Variants in ZCCHC2 observed in about 807,000 individuals in gnomAD.
The protein encoded by ZCCHC2 is zinc finger CCHC-type containing 2, also known as zinc finger CCHC domain-containing protein 2.
A neutral mutation model predicts 103.6 loss-of-function variants in ZCCHC2; 39 were observed. The observed-to-expected ratio is 0.38, with a 90% CI of 0.29 to 0.49. The LOEUF (loss-of-function observed/expected upper bound fraction) is 0.49. ZCCHC2 is among the 20% of genes least tolerant of loss of function. ZCCHC2 has a pLI of 0.96. For missense variants in ZCCHC2, 1,483 were observed against 1,491.0 expected, an observed-to-expected ratio of 0.99 and a Z score of 0.09; for synonymous variants, 687 against 608.9, an observed-to-expected ratio of 1.13 and a Z score of -1.89.
At position 62,575,486 on chromosome 18, in the gene ZCCHC2, T is replaced by C; in HGVS notation, c.3405T>C (p.Asn1135=). 6 of 1,614,032 alleles carry C rather than the reference T, an allele frequency of 3.7e-6. No individual in the cohort carries two copies. Among genetic ancestry groups the C allele is most frequent in the Non-Finnish European group, 5.1e-6 (6 of 1,179,910 alleles). Residue 1135 remains asparagine, a synonymous_variant, in exon 13 of 14, where the codon AAT becomes AAC. Coordinates refer to ENST00000269499, the MANE Select transcript of ZCCHC2 (RefSeq NM_017742.6). ...AGAATGGGAATGTCTCATGTTACAA[T>C]TGTGGTGTAAGCGGACACTATGCAC... is the stretch of plus-strand genomic sequence containing the variant. ...PKKNGNVSCY[N]CGVSGHYAQD...
chr18:62,562,886 C>T, intron 8 of ZCCHC2, 123 bp from the exon 9 acceptor site: 2 of 1,085,276 alleles, frequency 1.8e-6, no homozygotes, highest in Non-Finnish European at 2.6e-6. Flanking sequence ...TTAGACCTAT[C>T]ATTAGGCATT....
At chr18:62,549,214 G>A (rs535272295) in intron 4 of ZCCHC2, among the ~76,000 whole-genome samples, 8 of 151,004 alleles carry the variant, frequency 5.3e-5, no homozygotes, top group South Asian at 2.1e-4. Flanking sequence ...GCGAGACTCC[G>A]TCTCAAAAAA....
At chr18:62,533,888 A>AAG (rs1361909527) in intron 1 of ZCCHC2, among the ~76,000 whole-genome samples, 1 of 151,914 alleles carries the variant, frequency 6.6e-6, no homozygotes, top group Non-Finnish European at 1.5e-5. Context: ...AAAAAAAAAA[A>AAG]AAAGACTAAG....
Position 62,523,866 on chromosome 18 carries a change from T to A in ZCCHC2, c.442T>A (p.Ser148Thr). ...CAAGGACTACCACTACCTGCGCGACTCGGAGGCCAAGGCCAACGGCCTCTC... is the reference window on the plus strand; with the variant it reads ...CAAGGACTACCACTACCTGCGCGACACGGAGGCCAAGGCCAACGGCCTCTC... ...ARKDYHYLRD[S>T]EAKANGLSDP... The change falls in exon 1 of 14, where the codon TCG (serine) becomes ACG (threonine). Residue 148 changes from serine (S) to threonine (T), a missense_variant. Ser to Thr is a moderately conservative substitution (Grantham distance 58). Around this residue, in one of 3 missense-constraint regions of ZCCHC2, gnomAD observed 568 missense variants for 525.1 expected, o/e 1.08. Transcript: ENST00000269499. The A allele has an allele frequency of 6.5e-7, 1 of 1,544,116 alleles. No homozygotes were observed. The highest frequency in any genetic ancestry group is 8.7e-7 in the Non-Finnish European group (1 of 1,146,128).
intron 5 of ZCCHC2, among the ~76,000 whole-genome samples, chr18:62,553,138 A>G (rs1354386827): frequency 6.6e-6 from 1 of 150,414 alleles, no homozygotes; most frequent in East Asian, 2.0e-4. Context: ...TTCTGTGCAC[A>G]TACATGCCCT....
chr18:62,566,115 C>T (rs1568554863), intron 11 of ZCCHC2, among the ~76,000 whole-genome samples: 1 of 152,096 alleles, frequency 6.6e-6, no homozygotes, highest in Non-Finnish European at 1.5e-5. Flanking sequence ...CGTGGTGGCA[C>T]ATGCCTGTAA....
chr18:62,568,931 C>T (rs1054786851), intron 11 of ZCCHC2, among the ~76,000 whole-genome samples: 2 of 152,162 alleles, frequency 1.3e-5, no homozygotes, highest in African/African-American at 2.4e-5. Flanking sequence ...TCCCTTTAGT[C>T]GCCTTATGAT....
chr18:62,550,869 C>CT (rs1266681462), intron 5 of ZCCHC2, among the ~76,000 whole-genome samples: 1 of 152,200 alleles, frequency 6.6e-6, no homozygotes, highest in Non-Finnish European at 1.5e-5. Flanking sequence ...CTCTTCGTGG[C>CT]TGTTACTCTC....
chr18:62,583,741 G>A (rs1337272960), intron 14 of ZCCHC2, among the ~76,000 whole-genome samples: 5 of 152,022 alleles, frequency 3.3e-5, no homozygotes, highest in Non-Finnish European at 7.4e-5. Flanking sequence ...GTTTCGAGGT[G>A]TGAGATATGA....
chr18:62,564,784 T>C, intron 10 of ZCCHC2, 149 bp downstream of exon 10: 1 of 752,524 alleles, frequency 1.3e-6, no homozygotes. Flanking sequence ...TATTAATATA[T>C]GCAGGTGATA....
chr18:62,568,901 A>C (rs1223855783), intron 11 of ZCCHC2, among the ~76,000 whole-genome samples: 1 of 152,196 alleles, frequency 6.6e-6, no homozygotes, highest in Non-Finnish European at 1.5e-5. Context: ...TCAAGCAGCC[A>C]TTGGTGGTGT....
At position 62,523,300 on chromosome 18, in the gene ZCCHC2, G is replaced by T. The variant is rs1450867965; in HGVS notation, c.-125G>T. The T allele has an allele frequency of 4.8e-5, 16 of 336,208 alleles. No homozygotes were observed. Among genetic ancestry groups the T allele is most frequent in the Admixed American group, 1.5e-4 (2 of 12,926 alleles). The allele number at this position is 336,208 out of a possible 1,614,324, so 20.8% of individuals were successfully genotyped here. ...CCGGCCGAGACCCGCCCCCGGCCCC[G>T]GCCCTCCCCCGGCGGCATGGAGGGG... On this transcript the variant is annotated 5_prime_UTR_variant, in exon 1 of 14. Coordinates refer to ENST00000269499, the MANE Select transcript of ZCCHC2 (RefSeq NM_017742.6).
Position 62,523,428 on chromosome 18 carries a change from C to T in ZCCHC2, c.4C>T (p.Leu2=). 4.6e-6 allele frequency: 5 copies of T among 1,080,286 alleles called. No homozygotes were observed. Among genetic ancestry groups the T allele is most frequent in the South Asian group, 2.2e-5 (1 of 45,028 alleles). 66.9% of individuals were successfully genotyped at this position (1,080,286 alleles called of 1,614,324 possible). A position where few individuals can be genotyped will look rare whatever the true frequency, so the allele number is the denominator to read the frequency against. Residue 2 remains leucine (L), a synonymous_variant, in exon 1 of 14, where the codon CTG becomes TTG. Coordinates refer to ENST00000269499, the MANE Select transcript of ZCCHC2 (RefSeq NM_017742.6). The part of the protein sequence containing the change: M[L]RMKLPLKPTH... ...GTCTGCGCCGCCCTAGCCGAGGATG[C>T]TGAGGATGAAGCTGCCGCTGAAGCC...
rs1192712505 is a variant in ZCCHC2, at chr18:62,524,210, C to G, written c.786C>G (p.Leu262=). The G allele has an allele frequency of 3.2e-6, 5 of 1,549,880 alleles. No homozygotes were observed. The highest frequency in any genetic ancestry group is 4.4e-6 in the Non-Finnish European group (5 of 1,146,670). ...GGGCCCAGGAGGAACTGCTGCTGCT[C>G]TTCACCATGGCCTCGCTGCACCCGG... ...GSRAQEELLL[L]FTMASLHPAF... is the part of the protein sequence containing the mutation. Residue 262 remains leucine (L), a synonymous_variant, in exon 1 of 14, where the codon CTC becomes CTG. Coordinates refer to ENST00000269499, the MANE Select transcript of ZCCHC2 (RefSeq NM_017742.6).
downstream of ZCCHC2, among the ~76,000 whole-genome samples, chr18:62,578,755 G>C (rs193238157): frequency 2.2e-4 from 33 of 152,256 alleles, no homozygotes; most frequent in Admixed American, 2.1e-3. Flanking sequence ...ATGCTCCTCA[G>C]TTCTTCCCCC....
At chr18:62,524,579 C>T in intron 1 of ZCCHC2, 1 of 648,738 alleles carries the variant, frequency 1.5e-6, no homozygotes, top group Non-Finnish European at 2.4e-6. Flanking sequence ...GCAGACACAG[C>T]CACCCGCCAT....
intron 1 of ZCCHC2, among the ~76,000 whole-genome samples, chr18:62,532,072 T>C (rs1914701320): frequency 6.6e-6 from 1 of 152,206 alleles, no homozygotes; most frequent in Non-Finnish European, 1.5e-5. Context: ...CATGTTAAAA[T>C]AATAGGTTGT....
At chr18:62,585,093 C>T (rs765316164) in exon 15 of ZCCHC2, 6 of 152,170 alleles carry the variant, frequency 3.9e-5, no homozygotes, top group Non-Finnish European at 5.9e-5. Flanking sequence ...TTGTGGCTCT[C>T]GAAGGATTTG....
intron 1 of ZCCHC2, among the ~76,000 whole-genome samples, chr18:62,528,179 C>G (rs1914518982): frequency 1.3e-5 from 2 of 152,316 alleles, no homozygotes; most frequent in South Asian, 2.1e-4. Context: ...GATACTAAGG[C>G]ACAAAATTAT....
Sources: gnomAD v4.1 joint callset for allele counts (sites outside exome capture counted in the v4.1 genomes callset) on GRCh38, gnomAD v4.1.1 for gene constraint, gnomAD v4.1.1 regional missense constraint, MANE v1.5 for transcripts, NCBI Gene and HGNC (gene_info 2026-07-23, HGNC 2026-07-21) for gene names.